ANTXR2: variants seen among roughly 807,000 people sequenced by gnomAD.
ANTXR2 encodes the protein anthrax toxin receptor 2.
ANTXR2 carries 44 observed loss-of-function variants against 73.7 expected under a neutral mutation model. The ratio of observed to expected loss-of-function variants is 0.60; its 90% CI spans 0.47 to 0.77. The LOEUF (loss-of-function observed/expected upper bound fraction) is 0.77, where lower values mean the gene tolerates loss of function less well. ANTXR2 is among the 30% of genes least tolerant of loss of function. ANTXR2 has a pLI of 0.00. For missense variants in ANTXR2, 604 were observed against 592.5 expected (o/e 1.02, Z -0.20); for synonymous variants, 217 against 205.9 (o/e 1.05, Z -0.46).
intron 16 of ANTXR2, among the ~76,000 whole-genome samples, chr4:79,947,911 CA>C (rs1408169095): frequency 2.0e-5 from 3 of 151,990 alleles, no homozygotes; most frequent in African/African-American, 7.3e-5. Flanking sequence ...ATACTTTATC[CA>C]GAAGGTATGT....
At chr4:80,033,365 A>G (rs1444120148) in intron 9 of ANTXR2, 107 bp downstream of exon 9, 13 of 733,158 alleles carry the variant, frequency 1.8e-5, no homozygotes, top group Non-Finnish European at 2.9e-5. Context: ...CTTTCTTCTT[A>G]GATTAAAAAA....
chr4:79,930,433 A>G (rs1439807939), intron 16 of ANTXR2, among the ~76,000 whole-genome samples: 1 of 152,226 alleles, frequency 6.6e-6, no homozygotes, highest in African/African-American at 2.4e-5. Flanking sequence ...TTTTGGATGG[A>G]ATTCTTTTCA....
intron 16 of ANTXR2, among the ~76,000 whole-genome samples, chr4:79,952,464 T>G (rs1002055385): frequency 2.6e-5 from 4 of 151,840 alleles, no homozygotes; most frequent in African/African-American, 9.7e-5. Flanking sequence ...CTCATTTTCC[T>G]TTGTCTAATC....
intron 1 of ANTXR2, among the ~76,000 whole-genome samples, chr4:80,071,878 C>T (rs572506360): frequency 6.6e-6 from 1 of 152,264 alleles, no homozygotes; most frequent in Admixed American, 6.5e-5. Context: ...AGAAGTCAGC[C>T]CGTTTTCTGG....
chr4:79,952,248 T>C (rs1197537646), intron 16 of ANTXR2, among the ~76,000 whole-genome samples: 1 of 151,190 alleles, frequency 6.6e-6, no homozygotes, highest in Non-Finnish European at 1.5e-5. Flanking sequence ...AGAATCCATC[T>C]TGACTATACA....
At chr4:80,051,790 T>G (rs1017000222) in intron 7 of ANTXR2, among the ~76,000 whole-genome samples, 1 of 151,688 alleles carries the variant, frequency 6.6e-6, no homozygotes, top group Non-Finnish European at 1.5e-5. Context: ...TCTTCTTTTT[T>G]TTAACTACCA....
At chr4:79,934,013 C>A (rs1192782813) in intron 16 of ANTXR2, among the ~76,000 whole-genome samples, 1 of 152,058 alleles carries the variant, frequency 6.6e-6, no homozygotes, top group Non-Finnish European at 1.5e-5. Context: ...GCTGGGATTG[C>A]AGGCATGAGC....
At chr4:80,019,949 T>G (rs1404406653) in intron 10 of ANTXR2, among the ~76,000 whole-genome samples, 3 of 152,208 alleles carry the variant, frequency 2.0e-5, no homozygotes, top group African/African-American at 7.2e-5. Context: ...GTTAGTAATT[T>G]TTTATTATAA....
chr4:79,974,385 T>C (rs1402663958), intron 16 of ANTXR2, among the ~76,000 whole-genome samples: 2 of 152,116 alleles, frequency 1.3e-5, no homozygotes, highest in Admixed American at 6.5e-5. Flanking sequence ...AAGCCTGAAG[T>C]CCCGCACTTA....
chr4:80,014,496 G>A (rs1042190726), intron 11 of ANTXR2, among the ~76,000 whole-genome samples: 1 of 152,028 alleles, frequency 6.6e-6, no homozygotes, highest in Non-Finnish European at 1.5e-5. Context: ...AACCCGGGAA[G>A]CAGAGATTGC....
intron 12 of ANTXR2, among the ~76,000 whole-genome samples, chr4:79,988,856 C>A (rs1474827384): frequency 6.6e-6 from 1 of 152,082 alleles, no homozygotes; most frequent in African/African-American, 2.4e-5. Flanking sequence ...CAAAACCATA[C>A]AATTACATGG....
rs180942183 is a variant in ANTXR2, at chr4:80,049,092, A to C, written c.636+5180T>G. Among the ~76,000 whole-genome samples, 7 of 150,320 alleles carry C rather than the reference A, an allele frequency of 4.7e-5. No individual in the cohort carries two copies. In the East Asian group the frequency reaches 1.4e-3, roughly 31 times the overall value. On this transcript the variant is annotated intron_variant, in intron 7 of 16. Coordinates refer to ENST00000403729, the MANE Select transcript of ANTXR2 (RefSeq NM_058172.6). ...ATAAAACATGCTTCACAACTGATTTATTTCTTTCTGCTTAATACTTTCTGA... is the reference window on the plus strand; with the variant it reads ...ATAAAACATGCTTCACAACTGATTTCTTTCTTTCTGCTTAATACTTTCTGA...
At chr4:79,983,106 A>T (rs946814498) in intron 14 of ANTXR2, among the ~76,000 whole-genome samples, 14 of 152,172 alleles carry the variant, frequency 9.2e-5, no homozygotes, top group Non-Finnish European at 1.6e-4. Flanking sequence ...AAGGAAAATT[A>T]TGACTAAAAA....
intron 9 of ANTXR2, among the ~76,000 whole-genome samples, chr4:80,032,170 T>C (rs571158103): frequency 6.6e-6 from 1 of 151,706 alleles, no homozygotes; most frequent in South Asian, 2.1e-4. Context: ...GTAACTTTAA[T>C]AAAATATGAA....
At chr4:80,054,510 T>C (rs1282009513) in intron 6 of ANTXR2, among the ~76,000 whole-genome samples, 158 bp from the exon 7 acceptor site, 1 of 151,804 alleles carries the variant, frequency 6.6e-6, no homozygotes, top group East Asian at 1.9e-4. Context: ...AAGGTGATGA[T>C]ACTAGTGTTA....
chr4:80,001,324 A>G (rs1390350752), intron 12 of ANTXR2, among the ~76,000 whole-genome samples: 83 of 53,714 alleles, frequency 1.5e-3, no homozygotes, highest in Non-Finnish European at 8.7e-4. Context: ...CCCTCCCCCC[A>G]CCCCACAACA....
intron 14 of ANTXR2, among the ~76,000 whole-genome samples, chr4:79,980,938 A>G (rs940728233): frequency 4.1e-5 from 6 of 147,914 alleles, no homozygotes; most frequent in Non-Finnish European, 6.0e-5. Context: ...AAAAAAAAAA[A>G]AAAAGAGAAG....
chr4:80,031,520 T>A, intron 10 of ANTXR2, 103 bp downstream of exon 10: 1 of 924,602 alleles, frequency 1.1e-6, no homozygotes, highest in Non-Finnish European at 1.5e-6. Context: ...TAATGCTCTG[T>A]ATATCAAAAA....
chr4:80,003,135 A>C lies in ANTXR2; in HGVS notation c.1041+5386T>G, dbSNP rs1245063062. On this transcript the variant is annotated intron_variant, in intron 12 of 16. Transcript: ENST00000403729. ...ACGTATGTTTATTGCGGCACTACAC[A>C]CAATAGCAAAGACTTGGAACCAACG... Among the ~76,000 whole-genome samples, 7 of 152,254 alleles carry C rather than the reference A, an allele frequency of 4.6e-5. No individual in the cohort carries two copies. The South Asian group carries it at 1.5e-3, about 32-fold the overall frequency.
Sources: allele counts gnomAD v4.1 joint callset (sites outside exome capture counted in the v4.1 genomes callset), GRCh38; gene constraint gnomAD v4.1.1; transcripts MANE v1.5; gene names NCBI Gene and HGNC (gene_info 2026-07-23, HGNC 2026-07-21).